Variants in NEK9 observed in about 807,000 individuals in gnomAD.
NEK9 encodes NIMA related kinase 9, also known as serine/threonine-protein kinase Nek9.
NEK9 carries 75 observed loss-of-function variants against 123.4 expected under a neutral mutation model. The observed-to-expected ratio is 0.61, with a 90% CI of 0.50 to 0.74. NEK9 has a LOEUF of 0.74. NEK9 is among the 30% of genes least tolerant of loss of function. NEK9 has a pLI of 0.00. For missense variants in NEK9, 952 were observed against 1,214.4 expected, an observed-to-expected ratio of 0.78 and a Z score of 3.21; for synonymous variants, 438 against 458.7, an observed-to-expected ratio of 0.95 and a Z score of 0.58.
At chr14:75,117,914 A>G (rs1895194774) in intron 5 of NEK9, among the ~76,000 whole-genome samples, 1 of 152,260 alleles carries the variant, frequency 6.6e-6, no homozygotes, top group African/African-American at 2.4e-5. Context: ...TGAATGCCCT[A>G]GCAGCTCTAA....
Position 75,109,692 on chromosome 14 carries a change from G to A in NEK9, c.1175C>T (p.Thr392Ile). 1 of 1,612,282 alleles carries A rather than the reference G, an allele frequency of 6.2e-7. No individual in the cohort carries two copies. The highest frequency in any genetic ancestry group is 8.5e-7 in the Non-Finnish European group (1 of 1,179,466). ...TGCTTAGCGTTCACTTACCACCCAA[G>A]TGTACAGTTCCTTCTCCACTGTGAC... ...AVVTVEKELYTWVNMQGGTKL... is the reference protein window; with the variant it reads ...AVVTVEKELYIWVNMQGGTKL... The change falls in exon 10 of 22, where the codon ACT becomes ATT. Residue 392 changes from threonine (T) to isoleucine (I), a missense_variant. By Grantham distance (89) the Thr-to-Ile change is moderately conservative (BLOSUM62 -1). This residue lies in a region of NEK9 where 698 missense variants were observed against 875.6 expected (regional missense o/e 0.80). Coordinates refer to ENST00000238616, the MANE Select transcript of NEK9 (RefSeq NM_033116.6).
intron 18 of NEK9, among the ~76,000 whole-genome samples, chr14:75,092,702 C>T (rs924071855): frequency 1.3e-5 from 2 of 152,038 alleles, no homozygotes; most frequent in African/African-American, 4.8e-5. Context: ...GATGTGTGGT[C>T]AGGAAATGAA....
Position 75,120,508 on chromosome 14 carries a change from A to C in NEK9, c.524+2T>G. ...CCATCCATAATTTTTTTTACTTCTT[A>C]CCTATGAAGGATTCCAGCTTTATGG... On this transcript the variant is annotated splice_donor_variant, in intron 4 of 21. Coordinates refer to ENST00000238616, the MANE Select transcript of NEK9 (RefSeq NM_033116.6). LOFTEE classifies it high-confidence loss of function. 6.2e-7 allele frequency: 1 copy of C among 1,608,742 alleles called. No homozygotes were observed.
At position 75,084,486 on chromosome 14, in the gene NEK9, G is replaced by C; in HGVS notation, c.*78C>G. 3 of 1,557,248 alleles carry C rather than the reference G, an allele frequency of 1.9e-6. No individual in the cohort carries two copies. Among genetic ancestry groups the C allele is most frequent in the Non-Finnish European group, 2.6e-6 (3 of 1,137,590 alleles). ...TCTGCAAGTGAACAAAGCCAGGAAA[G>C]CTGCTCTCTGCATTCGGTAAGTGTG... is the stretch of plus-strand genomic sequence containing the variant. On this transcript the variant is annotated 3_prime_UTR_variant, in exon 22 of 22. Coordinates refer to ENST00000238616, the MANE Select transcript of NEK9 (RefSeq NM_033116.6).
At chr14:75,114,906 T>G (rs1474073999) in intron 6 of NEK9, among the ~76,000 whole-genome samples, 1 of 152,090 alleles carries the variant, frequency 6.6e-6, no homozygotes, top group Non-Finnish European at 1.5e-5. Context: ...AGATGTAAAG[T>G]AACTTGCCCA....
intron 10 of NEK9, among the ~76,000 whole-genome samples, chr14:75,108,510 T>TATGC (rs1442679656): frequency 5.0e-4 from 35 of 70,640 alleles, no homozygotes; most frequent in African/African-American, 1.8e-3. Context: ...TGTGTGTGCG[T>TATGC]GTGCGTGTGT....
In NEK9 at chr14:75,120,550, A is replaced by G; in HGVS notation, c.484T>C (p.Ser162Pro). 1 of 1,613,184 alleles carries G rather than the reference A, an allele frequency of 6.2e-7. No individual in the cohort carries two copies. Among genetic ancestry groups the G allele is most frequent in the Non-Finnish European group, 8.5e-7 (1 of 1,179,412 alleles). Residue 162 changes from serine (S) to proline (P), a missense_variant, in exon 4 of 22, where the codon TCA becomes CCA. By Grantham distance (74) the Ser-to-Pro change is moderately conservative. Coordinates refer to ENST00000238616, the MANE Select transcript of NEK9 (RefSeq NM_033116.6). The part of the protein sequence containing the change: ...MVVWYLFQIV[S>P]AVSCIHKAGI... Reference sequence around the variant, plus strand: ...GCTTTATGGATGCAGCTCACTGCTGAAACAATCTGAAATAGGTACCACACC... The same window carrying G: ...GCTTTATGGATGCAGCTCACTGCTGGAACAATCTGAAATAGGTACCACACC...
rs1252558603 is a variant in NEK9, at chr14:75,103,963, A to C, written c.1610T>G (p.Val537Gly). 1.8e-5 allele frequency: 29 copies of C among 1,614,174 alleles called. No individual in the cohort carries two copies. Among genetic ancestry groups the C allele is most frequent in the East Asian group, 1.3e-4 (6 of 44,880 alleles). The part of the protein sequence containing the change: ...DVPKALIIVA[V>G]QCGCDGTFLL... ...AAATGTCCCATCACAGCCACATTGA[A>C]CTGCAACAATAATCAAGGCCTTGGG... is the stretch of plus-strand genomic sequence containing the variant. The change falls in exon 14 of 22, where the codon GTT (valine) becomes GGT (glycine). Residue 537 changes from valine (V) to glycine (G), a missense_variant. Val to Gly is a moderately radical substitution (Grantham distance 109, BLOSUM62 -3). This residue lies in a region of NEK9 where 698 missense variants were observed against 875.6 expected (regional missense o/e 0.80). Coordinates refer to ENST00000238616, the MANE Select transcript of NEK9 (RefSeq NM_033116.6).
At chr14:75,124,326 C>T in intron 1 of NEK9, 103 bp from the exon 2 acceptor site, 1 of 900,796 alleles carries the variant, frequency 1.1e-6, no homozygotes. Context: ...TAGAGGGGCA[C>T]AGACTGACTC....
At chr14:75,101,176 TAAC>T in intron 15 of NEK9, 23 bp from the exon 16 acceptor site, 3 of 1,606,488 alleles carry the variant, frequency 1.9e-6, no homozygotes, top group Admixed American at 3.4e-5. Flanking sequence ...CAAAAAGAAA[TAAC>T]AAGGCACAAA....
At chr14:75,114,439 A>C in intron 6 of NEK9, 126 bp from the exon 7 acceptor site, 1 of 722,186 alleles carries the variant, frequency 1.4e-6, no homozygotes, top group Non-Finnish European at 2.4e-6. Flanking sequence ...ACTTCTTGTT[A>C]TAACTACTAG....
intron 2 of NEK9, among the ~76,000 whole-genome samples, chr14:75,123,256 C>T (rs1895401168): frequency 6.6e-6 from 1 of 152,042 alleles, no homozygotes; most frequent in Non-Finnish European, 1.5e-5. Flanking sequence ...CAAAAATTAG[C>T]TGGGCGTGGT....
rs555809039 is a variant in NEK9 at position 75,089,188 on chromosome 14, T to A, written c.2443-547A>T. ...CTCAAATAATCCTTCCACATCAGCC[T>A]CCTGAGTAGCTAGGACCACAGGCAT... On this transcript the variant is annotated intron_variant, in intron 19 of 21. Coordinates refer to ENST00000238616, the MANE Select transcript of NEK9 (RefSeq NM_033116.6). 4.6e-5 allele frequency among the ~76,000 whole-genome samples: 7 copies of A among 152,174 alleles called. No individual in the cohort carries two copies. In the South Asian group the frequency reaches 1.2e-3, roughly 27 times the overall value.
Position 75,083,111 on chromosome 14 carries a change from T to G in NEK9, c.*1453A>C. On this transcript the variant is annotated 3_prime_UTR_variant, in exon 22 of 22. Coordinates refer to ENST00000238616, the MANE Select transcript of NEK9 (RefSeq NM_033116.6). Reference sequence around the variant, plus strand: ...CATTGCACAAGACCTCCCACAATGTTGATAAGATTATCAAACATTTTGGTC... The same window carrying G: ...CATTGCACAAGACCTCCCACAATGTGGATAAGATTATCAAACATTTTGGTC... 2.5e-6 allele frequency: 1 copy of G among 398,606 alleles called. No homozygotes were observed. 24.7% of individuals were successfully genotyped at this position (398,606 alleles called of 1,614,324 possible).
intron 16 of NEK9, among the ~76,000 whole-genome samples, chr14:75,098,625 A>G (rs1894465982): frequency 1.3e-5 from 2 of 152,184 alleles, no homozygotes; most frequent in African/African-American, 4.8e-5. Flanking sequence ...CTAGTCCCCT[A>G]TTCTACTAGA....
chr14:75,087,723 A>C (rs1193669010), intron 20 of NEK9, among the ~76,000 whole-genome samples: 1 of 152,236 alleles, frequency 6.6e-6, no homozygotes, highest in Admixed American at 6.5e-5. Flanking sequence ...TGAAGTTTCA[A>C]AGGTATTATT....
In NEK9 at chr14:75,091,389, T is replaced by C; in HGVS notation, c.2323A>G (p.Ser775Gly). 2 of 1,613,918 alleles carry C rather than the reference T, an allele frequency of 1.2e-6. No homozygotes were observed. Among genetic ancestry groups the C allele is most frequent in the Non-Finnish European group, 1.7e-6 (2 of 1,179,988 alleles). The change falls in exon 19 of 22, where the codon AGT (serine) becomes GGT (glycine). Residue 775 changes from serine (S) to glycine (G), a missense_variant. Physicochemically the swap from Ser to Gly is moderately conservative, Grantham distance 56. Coordinates refer to ENST00000238616, the MANE Select transcript of NEK9 (RefSeq NM_033116.6). Reference sequence around the variant, plus strand: ...TCCATTGTTCCTCGGAAGCCTCCACTTGGGTCAGGAGTTTCAGATTCCTGC... The same window carrying C: ...TCCATTGTTCCTCGGAAGCCTCCACCTGGGTCAGGAGTTTCAGATTCCTGC... ...SQQESETPDP[S>G]GGFRGTMEAD...
intron 12 of NEK9, chr14:75,106,268 A>G: frequency 1.8e-6 from 1 of 569,646 alleles, no homozygotes; most frequent in Non-Finnish European, 3.1e-6. Context: ...CTGAGGCAGG[A>G]GAATCACTCG....
chr14:75,123,728 A>C (rs1246674639), intron 2 of NEK9, among the ~76,000 whole-genome samples: 1 of 152,250 alleles, frequency 6.6e-6, no homozygotes. Context: ...AAGTGCTGCC[A>C]AGCCACACTC....
Sources: allele counts gnomAD v4.1 joint callset (sites outside exome capture counted in the v4.1 genomes callset), GRCh38; gene constraint gnomAD v4.1.1; regional missense constraint gnomAD v4.1.1; transcripts MANE v1.5; gene names NCBI Gene and HGNC (gene_info 2026-07-23, HGNC 2026-07-21).